Variants in KCNJ5 observed in about 807,000 individuals in gnomAD.
KCNJ5 encodes the protein G protein-activated inward rectifier potassium channel 4.
Under a neutral mutation model 20.2 loss-of-function variants are expected in KCNJ5, and 12 were observed. The ratio of observed to expected loss-of-function variants is 0.59; its 90% CI spans 0.38 to 0.96. KCNJ5 has a LOEUF of 0.96. Ranked by LOEUF, KCNJ5 falls within the 40% of genes least tolerant of loss-of-function variation. The pLI, the probability that KCNJ5 is intolerant of heterozygous loss-of-function variation, is 0.00. For missense variants in KCNJ5, 449 were observed against 557.6 expected (o/e 0.81, Z 1.96); for synonymous variants, 210 against 213.9 (o/e 0.98, Z 0.16).
At chr11:128,909,406 T>C (rs1944467895) in intron 1 of KCNJ5, among the ~76,000 whole-genome samples, 1 of 152,154 alleles carries the variant, frequency 6.6e-6, no homozygotes, top group Non-Finnish European at 1.5e-5. Flanking sequence ...AAAGAAGAAA[T>C]CACCAAGTTC....
intron 1 of KCNJ5, among the ~76,000 whole-genome samples, chr11:128,892,405 C>G (rs1944108566): frequency 6.6e-6 from 1 of 152,152 alleles, no homozygotes; most frequent in African/African-American, 2.4e-5. Context: ...TCTGTGCCTT[C>G]CCTCAAACAG....
chr11:128,909,902 A>C (rs1944473276), intron 1 of KCNJ5: 1 of 152,288 alleles, frequency 6.6e-6, no homozygotes, highest in South Asian at 2.1e-4. Context: ...CAGCCTTAGC[A>C]TGAGCCCCGG....
chr11:128,895,806 G>A (rs1018620231), intron 1 of KCNJ5, among the ~76,000 whole-genome samples: 3 of 152,264 alleles, frequency 2.0e-5, no homozygotes, highest in Admixed American at 6.5e-5. Context: ...CCGGGGCGAA[G>A]GCAGGCTGCT....
chr11:128,892,003 C>A (rs1323207163), intron 1 of KCNJ5, among the ~76,000 whole-genome samples: 1 of 152,216 alleles, frequency 6.6e-6, no homozygotes, highest in Non-Finnish European at 1.5e-5. Flanking sequence ...GATCTCCCAG[C>A]AGTGGTTTGA....
rs1317470 is a variant in KCNJ5, at chr11:128,912,319, G to A, written c.937+109G>A. 719,105 of 868,738 alleles carry A rather than the reference G, an allele frequency of 0.83. 298,107 individuals are homozygous for A. Among genetic ancestry groups the A allele is most frequent in the South Asian group, 0.89 (66,984 of 75,314 alleles). The allele number at this position is 868,738 out of a possible 1,614,324, so 53.8% of individuals were successfully genotyped here. ...CTGTGCCTGAGAGTCCTGGGGTGGC[G>A]CAGGCAACACATTCAATCCCTAAAT... On this transcript the variant is annotated intron_variant, in intron 2 of 2. Coordinates refer to ENST00000529694, the MANE Select transcript of KCNJ5 (RefSeq NM_000890.5).
intron 1 of KCNJ5, chr11:128,903,485 C>G: frequency 6.2e-7 from 1 of 1,614,112 alleles, no homozygotes; most frequent in Non-Finnish European, 8.5e-7. Context: ...GAGGTGTTAC[C>G]CTCACTCCTG....
chr11:128,908,951 C>T (rs1944463795), intron 1 of KCNJ5, among the ~76,000 whole-genome samples: 1 of 152,180 alleles, frequency 6.6e-6, no homozygotes, highest in South Asian at 2.1e-4. Flanking sequence ...CAAATTCCTG[C>T]TTGGGATTCT....
At chr11:128,895,454 G>GCTGCTT (rs1302503485) in intron 1 of KCNJ5, among the ~76,000 whole-genome samples, 1 of 151,742 alleles carries the variant, frequency 6.6e-6, no homozygotes, top group African/African-American at 2.4e-5. Flanking sequence ...AGTGGGAGGT[G>GCTGCTT]CTGCTTCTGC....
At chr11:128,903,429 T>C (rs1489793292) in intron 1 of KCNJ5, 1 of 1,614,194 alleles carries the variant, frequency 6.2e-7, no homozygotes, top group East Asian at 2.2e-5. Flanking sequence ...AGGTTCTGGT[T>C]ACTATGGCAT....
chr11:128,895,147 T>C (rs1367936571), intron 1 of KCNJ5, among the ~76,000 whole-genome samples: 1 of 151,378 alleles, frequency 6.6e-6, no homozygotes, highest in African/African-American at 2.4e-5. Context: ...AAACTTGGAG[T>C]CTCATTCTCA....
At chr11:128,914,858 C>T (rs1353827851) in intron 2 of KCNJ5, among the ~76,000 whole-genome samples, 2 of 152,342 alleles carry the variant, frequency 1.3e-5, no homozygotes, top group Non-Finnish European at 2.9e-5. Flanking sequence ...ATACCTTTCC[C>T]AAGGCCCTGG....
At chr11:128,913,253 G>C (rs1105756) in intron 2 of KCNJ5, among the ~76,000 whole-genome samples, 126,225 of 152,184 alleles carry the variant, frequency 0.83, 52,423 homozygotes, top group South Asian at 0.89. Flanking sequence ...TTTAGTGAAC[G>C]CAGGGCAGGT....
In KCNJ5 at chr11:128,911,290, G is replaced by A; in HGVS notation, c.17G>A (p.Arg6Lys). Residue 6 changes from arginine (R) to lysine (K), a missense_variant, in exon 2 of 3, where the codon AGG becomes AAG. Transcript: ENST00000529694. The surrounding 1 kb of genome is among the most constrained non-coding windows in gnomAD (Gnocchi z 6.3). The stretch of plus-strand genomic sequence containing the variant: ...ATCCCAGCTATGGCTGGCGATTCTA[G>A]GAATGCCATGAACCAGGACATGGAG... MAGDSRNAMNQDMEIG... is the reference protein window; with the variant it reads MAGDSKNAMNQDMEIG... 10 of 1,614,044 alleles carry A rather than the reference G, an allele frequency of 6.2e-6. No individual in the cohort carries two copies. Among genetic ancestry groups the A allele is most frequent in the Non-Finnish European group, 8.5e-6 (10 of 1,180,002 alleles).
Position 128,904,649 on chromosome 11 carries a change from G to A in KCNJ5, c.-10-6615G>A, listed in dbSNP as rs1364141556. On this transcript the variant is annotated intron_variant, in intron 1 of 2. Transcript: ENST00000529694. ...AACCCGCATTTTAGCCAGATCCCCA[G>A]GAAGGGAAAGCACAGGAACGAATGC... 1.9e-5 allele frequency: 13 copies of A among 689,448 alleles called. No homozygotes were observed. In the Admixed American group the frequency reaches 2.7e-4, roughly 14 times the overall value. 42.7% of individuals were successfully genotyped at this position (689,448 alleles called of 1,614,324 possible).
chr11:128,911,633 T>G lies in KCNJ5; in HGVS notation c.360T>G (p.His120Gln), dbSNP rs751069328. 1 of 1,614,236 alleles carries G rather than the reference T, an allele frequency of 6.2e-7. No homozygotes were observed. Among genetic ancestry groups the G allele is most frequent in the Non-Finnish European group, 8.5e-7 (1 of 1,180,036 alleles). Reference sequence around the variant, plus strand: ...CTTATATCCGGGGTGACCTGGACCATGTTGGCGACCAAGAGTGGATTCCTT... The same window carrying G: ...CTTATATCCGGGGTGACCTGGACCAGGTTGGCGACCAAGAGTGGATTCCTT... ...LIAYIRGDLD[H>Q]VGDQEWIPCV... The change falls in exon 2 of 3, where the codon CAT (histidine) becomes CAG (glutamine). Residue 120 changes from histidine to glutamine, a missense_variant. Physicochemically the swap from His to Gln is conservative, Grantham distance 24. Around this residue, in one of 5 missense-constraint regions of KCNJ5, gnomAD observed 203 missense variants for 258.0 expected, o/e 0.79. Coordinates refer to ENST00000529694, the MANE Select transcript of KCNJ5 (RefSeq NM_000890.5). This position sits in a 1 kb window ranked among gnomAD's most constrained non-coding sequence, Gnocchi z 6.3.
In KCNJ5 at chr11:128,897,093, C is replaced by CTT. The variant is rs35966521; in HGVS notation, c.-11+5393_-11+5394dup. ...CCCTGATTACTAATACCGTTTACCA[C>CTT]TTTTTTTTTTTTTTTTTTTTTTGAG... On this transcript the variant is annotated intron_variant, in intron 1 of 2. Coordinates refer to ENST00000529694, the MANE Select transcript of KCNJ5 (RefSeq NM_000890.5). 5.9e-3 allele frequency among the ~76,000 whole-genome samples: 587 copies of CTT among 100,088 alleles called. 4 individuals are homozygous for CTT. Among genetic ancestry groups the CTT allele is most frequent in the Non-Finnish European group, 6.6e-3 (344 of 52,070 alleles). 65.7% of individuals were successfully genotyped at this position (100,088 alleles called of 152,430 possible).
At chr11:128,915,031 C>T (rs79972910) in intron 2 of KCNJ5, among the ~76,000 whole-genome samples, 2 of 152,192 alleles carry the variant, frequency 1.3e-5, no homozygotes, top group Admixed American at 6.5e-5. Flanking sequence ...TGTGTGGGTG[C>T]GCTGGGGCTG....
intron 1 of KCNJ5, chr11:128,902,667 C>T (rs1391527462): frequency 6.2e-7 from 1 of 1,613,978 alleles, no homozygotes; most frequent in East Asian, 2.2e-5. Flanking sequence ...TGCCGGGCCG[C>T]CTGCCTTTGT....
chr11:128,900,179 G>C (rs1240996295), intron 1 of KCNJ5: 1 of 152,102 alleles, frequency 6.6e-6, no homozygotes, highest in African/African-American at 2.4e-5. Flanking sequence ...CCATCAAAAT[G>C]GTCTTTTTGT....
Sources: gnomAD v4.1 joint callset for allele counts (sites outside exome capture counted in the v4.1 genomes callset) on GRCh38, gnomAD v4.1.1 for gene constraint, gnomAD v4.1.1 regional missense constraint, Gnocchi (gnomAD v3.1) non-coding constraint, MANE v1.5 for transcripts, NCBI Gene and HGNC (gene_info 2026-07-23, HGNC 2026-07-21) for gene names.